FAM13A: variants seen among roughly 807,000 people sequenced by gnomAD.
The protein encoded by FAM13A is protein FAM13A.
In FAM13A, 76 loss-of-function variants were observed where a neutral mutation model predicts 129.6. That is an observed-to-expected ratio of 0.59 (90% confidence interval 0.49 to 0.71). The LOEUF (loss-of-function observed/expected upper bound fraction) is 0.71, where lower values mean the gene tolerates loss of function less well. Ranked by LOEUF, FAM13A falls within the 30% of genes least tolerant of loss-of-function variation. The pLI is 0.00. For synonymous variants in FAM13A, 443 were observed against 449.9 expected (o/e 0.98, Z 0.20); for missense variants, 1,108 against 1,249.3 (o/e 0.89, Z 1.70).
rs149208697 is a variant in FAM13A, at chr4:88,743,858, C to T, written c.2466+3074G>A. On this transcript the variant is annotated intron_variant, in intron 19 of 23. Coordinates refer to ENST00000264344, the MANE Select transcript of FAM13A (RefSeq NM_014883.4). ...GAAATTATGTCATAGACAAACTATG[C>T]GGCCTCAAACTCTTAGTAAAACAAG... Among the ~76,000 whole-genome samples, 629 of 152,202 alleles carry T rather than the reference C, an allele frequency of 4.1e-3. 6 individuals are homozygous for T. Among genetic ancestry groups the T allele is most frequent in the African/African-American group, 0.015 (610 of 41,524 alleles).
chr4:88,825,199 G>C (rs1231567352), intron 7 of FAM13A, among the ~76,000 whole-genome samples: 1 of 145,690 alleles, frequency 6.9e-6, no homozygotes, highest in Non-Finnish European at 1.5e-5. Flanking sequence ...CCACAGTGCT[G>C]ACTCTATTCT....
At chr4:88,862,256 C>T (rs1739613717) in intron 6 of FAM13A, among the ~76,000 whole-genome samples, 1 of 152,092 alleles carries the variant, frequency 6.6e-6, no homozygotes, top group South Asian at 2.1e-4. Context: ...TGTATATATA[C>T]AATGCTATTT....
chr4:88,838,414 T>G (rs902089145), intron 7 of FAM13A, among the ~76,000 whole-genome samples: 1 of 152,192 alleles, frequency 6.6e-6, no homozygotes, highest in Non-Finnish European at 1.5e-5. Flanking sequence ...GTAGAATAAT[T>G]TCCTAGGATA....
At chr4:89,015,955 C>T (rs1766427253) in intron 3 of FAM13A, among the ~76,000 whole-genome samples, 1 of 151,900 alleles carries the variant, frequency 6.6e-6, no homozygotes, top group Non-Finnish European at 1.5e-5. Flanking sequence ...CAGACTCATA[C>T]ACATATACAT....
rs61682568 is a variant in FAM13A, at chr4:89,019,761, C to CAAAAAA, written c.427+693_427+698dup. Among the ~76,000 whole-genome samples the CAAAAAA allele has an allele frequency of 1.2e-4, 7 of 57,784 alleles. 1 individual carries two copies. The highest frequency in any genetic ancestry group is 4.8e-4 in the South Asian group (1 of 2,092). 37.9% of individuals were successfully genotyped at this position (57,784 alleles called of 152,430 possible). A position where few individuals can be genotyped will look rare whatever the true frequency, so the allele number is the denominator to read the frequency against. On this transcript the variant is annotated intron_variant, in intron 3 of 23. Coordinates refer to ENST00000264344, the MANE Select transcript of FAM13A (RefSeq NM_014883.4). ...GGGTGACAAGAGTGAAACTACATCT[C>CAAAAAA]AAAAAAAAAAAAAAAAAAAAGCAAG...
At chr4:88,880,995 A>G (rs1250774552) in intron 6 of FAM13A, among the ~76,000 whole-genome samples, 1 of 152,092 alleles carries the variant, frequency 6.6e-6, no homozygotes, top group African/African-American at 2.4e-5. Flanking sequence ...GCCCAAGAAG[A>G]GTCTGAGCCT....
chr4:88,789,312 G>A (rs1176311346), intron 9 of FAM13A, among the ~76,000 whole-genome samples: 1 of 152,174 alleles, frequency 6.6e-6, no homozygotes, highest in Non-Finnish European at 1.5e-5. Context: ...GGTCAGTCCT[G>A]CCCTCTGATT....
chr4:88,998,832 T>A (rs1392901661), intron 3 of FAM13A, among the ~76,000 whole-genome samples: 2 of 152,202 alleles, frequency 1.3e-5, no homozygotes, highest in African/African-American at 4.8e-5. Context: ...GAAGCTTATA[T>A]AGGCAACAGA....
chr4:88,761,615 G>C (rs904949649), intron 13 of FAM13A, among the ~76,000 whole-genome samples: 16 of 152,130 alleles, frequency 1.1e-4, no homozygotes, highest in African/African-American at 2.4e-4. Context: ...CTGGGCCACA[G>C]CAAGAGAAGA....
At chr4:89,006,737 T>C (rs79014250) in intron 3 of FAM13A, among the ~76,000 whole-genome samples, 4,565 of 152,176 alleles carry the variant, frequency 0.03, 95 homozygotes, top group Non-Finnish European at 0.038. Flanking sequence ...ATTTGAAGGA[T>C]GGTGAATGCG....
chr4:89,029,721 C>T, intron 1 of FAM13A, 72 bp from the exon 2 acceptor site: 1 of 1,245,774 alleles, frequency 8.0e-7, no homozygotes, highest in Non-Finnish European at 1.1e-6. Flanking sequence ...ACAACAGAAA[C>T]ACCTGAATTA....
intron 5 of FAM13A, among the ~76,000 whole-genome samples, chr4:88,921,807 T>A (rs552638005): frequency 6.6e-6 from 1 of 151,944 alleles, no homozygotes; most frequent in Non-Finnish European, 1.5e-5. Flanking sequence ...AGGAAACCCA[T>A]CTCACGTGCA....
At chr4:89,004,802 A>G (rs1165983668) in intron 3 of FAM13A, among the ~76,000 whole-genome samples, 6 of 152,198 alleles carry the variant, frequency 3.9e-5, no homozygotes, top group African/African-American at 1.4e-4. Context: ...AAGGGAGATT[A>G]CATTAAAAAT....
chr4:88,749,296 C>T (rs931203019), intron 16 of FAM13A, among the ~76,000 whole-genome samples: 7 of 152,088 alleles, frequency 4.6e-5, no homozygotes, highest in African/African-American at 1.7e-4. Flanking sequence ...CCATGACCCC[C>T]TTGCCATTAT....
intron 7 of FAM13A, among the ~76,000 whole-genome samples, chr4:88,815,336 C>A (rs1730520407): frequency 6.6e-6 from 1 of 152,174 alleles, no homozygotes; most frequent in African/African-American, 2.4e-5. Context: ...CCTGGCCCCA[C>A]TATTTCCCAT....
At chr4:88,837,637 G>A (rs1351539224) in intron 7 of FAM13A, among the ~76,000 whole-genome samples, 2 of 147,906 alleles carry the variant, frequency 1.4e-5, no homozygotes, top group Non-Finnish European at 3.0e-5. Flanking sequence ...AGAATCGCTT[G>A]AGCCTGGGAG....
intron 5 of FAM13A, among the ~76,000 whole-genome samples, chr4:88,914,323 A>G (rs1280417317): frequency 6.6e-6 from 1 of 152,222 alleles, no homozygotes; most frequent in East Asian, 1.9e-4. Context: ...CCAATGATAT[A>G]TCATTATTCC....
intron 14 of FAM13A, chr4:88,753,626 TCTC>T (rs1743074600): frequency 1.1e-6 from 1 of 939,534 alleles, no homozygotes; most frequent in Non-Finnish European, 1.3e-6. Context: ...TACCTGATTC[TCTC>T]CTTTTTCTCT....
At chr4:88,820,874 C>T (rs1223630753) in intron 7 of FAM13A, among the ~76,000 whole-genome samples, 9 of 152,184 alleles carry the variant, frequency 5.9e-5, no homozygotes, top group East Asian at 1.9e-4. Context: ...AAACAGTGAG[C>T]ATGAATTTCT....
Sources: allele counts gnomAD v4.1 joint callset (sites outside exome capture counted in the v4.1 genomes callset), GRCh38; gene constraint gnomAD v4.1.1; transcripts MANE v1.5; gene names NCBI Gene and HGNC (gene_info 2026-07-23, HGNC 2026-07-21).